HMGCLL1: variants seen among roughly 807,000 people sequenced by gnomAD.
HMGCLL1 encodes 3-hydroxy-3-methylglutaryl-CoA lyase like 1, also known as 3-hydroxymethyl-3-methylglutaryl-CoA lyase, cytoplasmic.
Under a neutral mutation model 39.1 loss-of-function variants are expected in HMGCLL1, and 36 were observed. The ratio of observed to expected loss-of-function variants is 0.92; its 90% confidence interval spans 0.71 to 1.22. The LOEUF is 1.22. Ranked by LOEUF, HMGCLL1 falls within the 50% of genes most tolerant of loss-of-function variation. The probability of loss-of-function intolerance (pLI) is 0.00; values close to 1 mark genes in which losing one functional copy is unlikely to be tolerated. For synonymous variants in HMGCLL1, 149 were observed against 144.0 expected, an observed-to-expected ratio of 1.03 and a Z score of -0.25; for missense variants, 451 against 416.5, an observed-to-expected ratio of 1.08 and a Z score of -0.72.
At chr6:55,673,048 T>C in the HMGCLL1 span, among the ~76,000 whole-genome samples, 1 of 151,990 alleles carries the variant, frequency 6.6e-6, no homozygotes, top group East Asian at 1.9e-4. Flanking sequence ...AAGAAGTCCC[T>C]TAGCAGAGGC....
the HMGCLL1 span, among the ~76,000 whole-genome samples, chr6:55,657,850 C>G: frequency 2.0e-5 from 3 of 151,538 alleles, no homozygotes; most frequent in African/African-American, 7.3e-5. Flanking sequence ...AAGTGGGAAC[C>G]AAAACATGAG....
chr6:55,474,893 A>G (rs1765217954), intron 7 of HMGCLL1, among the ~76,000 whole-genome samples: 1 of 151,602 alleles, frequency 6.6e-6, no homozygotes, highest in South Asian at 2.1e-4. Flanking sequence ...TTTCCTAAGT[A>G]TTCCTTCTCA....
chr6:55,528,024 A>G (rs575332436), intron 3 of HMGCLL1, among the ~76,000 whole-genome samples: 1 of 152,102 alleles, frequency 6.6e-6, no homozygotes, highest in South Asian at 2.1e-4. Flanking sequence ...ATAAGCCCTC[A>G]TTTTTCCTTT....
At chr6:55,671,563 T>C in the HMGCLL1 span, among the ~76,000 whole-genome samples, 1 of 151,848 alleles carries the variant, frequency 6.6e-6, no homozygotes, top group Admixed American at 6.6e-5. Flanking sequence ...TAGGTACAAC[T>C]GGTAGAAAAC....
intron 1 of HMGCLL1, among the ~76,000 whole-genome samples, chr6:55,559,391 T>C (rs1770826435): frequency 6.6e-6 from 1 of 152,164 alleles, no homozygotes; most frequent in Non-Finnish European, 1.5e-5. Context: ...TGAACATAAA[T>C]AGGTAAAACT....
chr6:55,451,844 T>G (rs943918992), intron 7 of HMGCLL1, among the ~76,000 whole-genome samples: 1 of 152,192 alleles, frequency 6.6e-6, no homozygotes, highest in Admixed American at 6.5e-5. Context: ...TAAATATTAA[T>G]AAGCTAGTGA....
At chr6:55,524,953 CTATTACTATTAATTAAT>C (rs1037591773) in intron 3 of HMGCLL1, among the ~76,000 whole-genome samples, 14 of 147,416 alleles carry the variant, frequency 9.5e-5, no homozygotes, top group African/African-American at 3.2e-4. Flanking sequence ...ATACTAATTA[CTATTACTATTAATTAAT>C]AGTAATAGTA....
chr6:55,509,498 A>G (rs1483351631), intron 5 of HMGCLL1, among the ~76,000 whole-genome samples: 1 of 151,846 alleles, frequency 6.6e-6, no homozygotes, highest in Non-Finnish European at 1.5e-5. Context: ...GGAAAGACAC[A>G]CTCAATGCAA....
intron 5 of HMGCLL1, among the ~76,000 whole-genome samples, chr6:55,505,869 C>T (rs1331479344): frequency 6.6e-6 from 1 of 151,616 alleles, no homozygotes. Context: ...ATGGCATAAC[C>T]TCCTTCAGCA....
chr6:55,535,848 T>C (rs950419855), intron 3 of HMGCLL1, among the ~76,000 whole-genome samples: 1 of 152,192 alleles, frequency 6.6e-6, no homozygotes, highest in Non-Finnish European at 1.5e-5. Flanking sequence ...CTCTGCCTCC[T>C]TTCTTTCTCA....
At chr6:55,583,055 A>G (rs1772012426), upstream of HMGCLL1, among the ~76,000 whole-genome samples, 1 of 152,212 alleles carries the variant, frequency 6.6e-6, no homozygotes, top group East Asian at 1.9e-4. Context: ...CCTCCACTAT[A>G]GTTCTGTTTC....
At chr6:55,619,925 T>C in the HMGCLL1 span, among the ~76,000 whole-genome samples, 2 of 152,140 alleles carry the variant, frequency 1.3e-5, no homozygotes, top group African/African-American at 4.8e-5. Flanking sequence ...CCCACAAATA[T>C]TAAGAACATG....
chr6:55,476,886 A>G (rs937800544), intron 7 of HMGCLL1, among the ~76,000 whole-genome samples: 5 of 146,862 alleles, frequency 3.4e-5, no homozygotes, highest in African/African-American at 1.3e-4. Context: ...GGGGCAGAAC[A>G]GTGGAACTCA....
chr6:55,503,369 T>C (rs1581866597), intron 5 of HMGCLL1, among the ~76,000 whole-genome samples: 2 of 151,782 alleles, frequency 1.3e-5, no homozygotes, highest in East Asian at 3.9e-4. Flanking sequence ...CATGTAGATA[T>C]TAAAATCCCA....
At chr6:55,545,028 C>T (rs1769881727) in intron 1 of HMGCLL1, among the ~76,000 whole-genome samples, 1 of 151,888 alleles carries the variant, frequency 6.6e-6, no homozygotes, top group Non-Finnish European at 1.5e-5. Context: ...ATAAGAAAAG[C>T]TCACTCTTCT....
intron 5 of HMGCLL1, among the ~76,000 whole-genome samples, chr6:55,504,599 A>G (rs1387151028): frequency 6.6e-6 from 1 of 151,638 alleles, no homozygotes; most frequent in Non-Finnish European, 1.5e-5. Context: ...TCATCTCTAG[A>G]TTACTTATAA....
the HMGCLL1 span, among the ~76,000 whole-genome samples, chr6:55,603,402 T>G: frequency 2.0e-5 from 3 of 152,018 alleles, no homozygotes; most frequent in Admixed American, 6.6e-5. Flanking sequence ...TTTTAAAGGG[T>G]TAGGGAGGTA....
intron 1 of HMGCLL1, among the ~76,000 whole-genome samples, chr6:55,555,027 A>G (rs1391644555): frequency 6.6e-6 from 1 of 152,198 alleles, no homozygotes; most frequent in Non-Finnish European, 1.5e-5. Context: ...CTTTGAAAAC[A>G]TCAACTAAAT....
At chr6:55,524,538 A>G (rs1483893822) in intron 3 of HMGCLL1, among the ~76,000 whole-genome samples, 1 of 151,062 alleles carries the variant, frequency 6.6e-6, no homozygotes, top group African/African-American at 2.4e-5. Context: ...GGTTGGCCAT[A>G]TATCTCCTAG....
Sources: gnomAD v4.1 joint callset for allele counts (sites outside exome capture counted in the v4.1 genomes callset) on GRCh38, gnomAD v4.1.1 for gene constraint, MANE v1.5 for transcripts, NCBI Gene and HGNC (gene_info 2026-07-23, HGNC 2026-07-21) for gene names.